Variants in ANKS3 observed in about 807,000 individuals in gnomAD.
ANKS3 encodes ankyrin repeat and sterile alpha motif domain containing 3.
Under a neutral mutation model 80.7 loss-of-function variants are expected in ANKS3, and 62 were observed. The observed-to-expected ratio is 0.77, with a 90% CI of 0.63 to 0.95. The LOEUF (loss-of-function observed/expected upper bound fraction) is 0.95. Ranked by LOEUF, ANKS3 falls within the 40% of genes least tolerant of loss-of-function variation. ANKS3 has a pLI of 0.00. For missense variants in ANKS3, 1,150 were observed against 883.6 expected, an observed-to-expected ratio of 1.30 and a Z score of -3.82; for synonymous variants, 489 against 355.3, an observed-to-expected ratio of 1.38 and a Z score of -4.23.
At chr16:4,725,081 T>C in intron 5 of ANKS3, 1 of 352,536 alleles carries the variant, frequency 2.8e-6, no homozygotes. Context: ...TCGTCCCACC[T>C]GTTGGCTATT....
intron 3 of ANKS3, 149 bp from the exon 4 acceptor site, chr16:4,727,326 C>G: frequency 2.6e-6 from 2 of 771,514 alleles, no homozygotes; most frequent in Non-Finnish European, 4.2e-6. Context: ...TGGAGGCAGG[C>G]AGGCAGAAAA....
chr16:4,699,141 C>T lies in ANKS3; in HGVS notation c.1320G>A (p.Leu440=), dbSNP rs773600265. 8 of 1,613,988 alleles carry T rather than the reference C, an allele frequency of 5.0e-6. No homozygotes were observed. Among genetic ancestry groups the T allele is most frequent in the Non-Finnish European group, 8.5e-7 (1 of 1,180,032 alleles). Residue 440 remains leucine (L), a synonymous_variant, in exon 12 of 18, where the codon CTG becomes CTA. Transcript: ENST00000304283. The part of the protein sequence containing the change: ...LAALLEQIGC[L]KYLQVFEEQD... ...GCTCCTCAAACACCTGCAGGTACTT[C>T]AGACACCCGATCTGCTCCAGCAGTG...
At position 4,729,819 on chromosome 16, in the gene ANKS3, G is replaced by T. The variant is rs555297766; in HGVS notation, c.170+161C>A. The T allele has an allele frequency of 6.8e-5, 46 of 677,396 alleles. 1 individual carries two copies. The highest frequency in any genetic ancestry group is 9.6e-4 in the Middle Eastern group (2 of 2,076). The allele number at this position is 677,396 out of a possible 1,614,324, so 42.0% of individuals were successfully genotyped here. ...GGAATAAAAACGGCCTCTTTGTCAG[G>T]GCTCAGCATCAATACTTACTGACAG... is the stretch of plus-strand genomic sequence containing the variant. On this transcript the variant is annotated intron_variant, in intron 3 of 17. Coordinates refer to ENST00000304283, the MANE Select transcript of ANKS3 (RefSeq NM_133450.4).
chr16:4,708,938 CAAA>C (rs1174728403), intron 7 of ANKS3, among the ~76,000 whole-genome samples: 1 of 127,282 alleles, frequency 7.9e-6, no homozygotes. Flanking sequence ...GACTCTGTCT[CAAA>C]AAAAAAAAAA....
chr16:4,698,141 AG>A, intron 14 of ANKS3, 79 bp from the exon 15 acceptor site: 1 of 1,454,206 alleles, frequency 6.9e-7, no homozygotes, highest in Non-Finnish European at 9.4e-7. Flanking sequence ...CTTCTAGGGG[AG>A]GGAGGGGCTC....
chr16:4,715,108 A>G (rs1194615322), intron 6 of ANKS3, among the ~76,000 whole-genome samples: 1 of 151,448 alleles, frequency 6.6e-6, no homozygotes, highest in Non-Finnish European at 1.5e-5. Context: ...TGTTATTGCC[A>G]TAGATGGTGA....
At chr16:4,700,935 C>G in intron 11 of ANKS3, 35 bp downstream of exon 11, 2 of 1,613,138 alleles carry the variant, frequency 1.2e-6, no homozygotes, top group South Asian at 1.1e-5. Flanking sequence ...AGTGCCGTCT[C>G]TGAGTGTAAC....
chr16:4,697,765 G>C (rs2079651126), intron 15 of ANKS3, among the ~76,000 whole-genome samples: 1 of 152,192 alleles, frequency 6.6e-6, no homozygotes, highest in Admixed American at 6.5e-5. Flanking sequence ...CCTACCCCTG[G>C]GGGATAGGCA....
At position 4,717,724 on chromosome 16, in the gene ANKS3, T is replaced by C. The variant is rs75165396; in HGVS notation, c.574-3538A>G. Among the ~76,000 whole-genome samples the C allele has an allele frequency of 4.7e-3, 712 of 152,246 alleles. 40 individuals are homozygous for C. The East Asian group carries it at 0.12, about 26-fold the overall frequency. On this transcript the variant is annotated intron_variant, in intron 6 of 17. Coordinates refer to ENST00000304283, the MANE Select transcript of ANKS3 (RefSeq NM_133450.4). The stretch of plus-strand genomic sequence containing the variant: ...GCCCACGCTGGATTACACTGGCTCA[T>C]TGCAACCCTGACCTCCCCAGCTCAA...
chr16:4,701,473 GGCTCTGGCCAGGCCCTCGCTGCTGCTGCT>G lies in ANKS3; in HGVS notation c.1051_1079del (p.Ser351ProfsTer20). ...CAGAAGCTTCGCTGCTGAGCCCCTG[GGCTCTGGCCAGGCCCTCGCTGCTGCTGCT>G]GCTCTGGACGGGCCCCAGGTTGGCA... On this transcript the variant is annotated frameshift_variant, in exon 10 of 18. Coordinates refer to ENST00000304283, the MANE Select transcript of ANKS3 (RefSeq NM_133450.4). LOFTEE classifies it high-confidence loss of function. The G allele has an allele frequency of 6.2e-7, 1 of 1,610,818 alleles. No homozygotes were observed. Among genetic ancestry groups the G allele is most frequent in the Non-Finnish European group, 8.5e-7 (1 of 1,178,012 alleles).
chr16:4,715,816 A>C (rs1596403163), intron 6 of ANKS3, among the ~76,000 whole-genome samples: 1 of 148,512 alleles, frequency 6.7e-6, no homozygotes, highest in East Asian at 2.0e-4. Context: ...TTTTTTTTTT[A>C]ATAGGATCTT....
chr16:4,697,872 T>G, intron 15 of ANKS3, 105 bp downstream of exon 15: 1 of 1,088,572 alleles, frequency 9.2e-7, no homozygotes, highest in Non-Finnish European at 1.3e-6. Context: ...CCTGGGAGAG[T>G]GGCTGCCGGC....
In ANKS3 at chr16:4,730,058, T is replaced by G; in HGVS notation, c.92A>C (p.Glu31Ala). The change falls in exon 3 of 18, where the codon GAG (glutamate) becomes GCG (alanine). Residue 31 changes from glutamate to alanine, a missense_variant. Coordinates refer to ENST00000304283, the MANE Select transcript of ANKS3 (RefSeq NM_133450.4). ...AAGATCCAGGGGGACATCCAGCTCC[T>G]CCCCGCTGACCTGTGTCCCGAGCCC... is the stretch of plus-strand genomic sequence containing the variant. The part of the protein sequence containing the change: ...WHGLGTQVSG[E>A]ELDVPLDLHT... The G allele has an allele frequency of 1.3e-6, 2 of 1,590,774 alleles. No homozygotes were observed. The highest frequency in any genetic ancestry group is 1.7e-6 in the Non-Finnish European group (2 of 1,166,450).
chr16:4,707,613 A>G (rs2080268283), intron 7 of ANKS3, among the ~76,000 whole-genome samples: 1 of 152,182 alleles, frequency 6.6e-6, no homozygotes, highest in Non-Finnish European at 1.5e-5. Context: ...GCCATAATTC[A>G]CAGTGAATCT....
chr16:4,716,560 A>G (rs1269906835), intron 6 of ANKS3, among the ~76,000 whole-genome samples: 1 of 152,084 alleles, frequency 6.6e-6, no homozygotes, highest in East Asian at 1.9e-4. Context: ...TTTACTTTCT[A>G]GAGTGCCCCC....
intron 13 of ANKS3, 46 bp downstream of exon 13, chr16:4,698,754 C>G (rs1478913255): frequency 6.4e-7 from 1 of 1,562,614 alleles, no homozygotes; most frequent in Non-Finnish European, 8.6e-7. Context: ...ATGGAGCCAA[C>G]TCACGGGTGT....
intron 7 of ANKS3, among the ~76,000 whole-genome samples, chr16:4,706,529 G>A (rs1567341278): frequency 2.0e-5 from 3 of 152,196 alleles, no homozygotes; most frequent in South Asian, 2.1e-4. Flanking sequence ...GAGCCACAGC[G>A]CCCAGCCACA....
rs570392684 is a variant in ANKS3 at position 4,701,546 on chromosome 16, G to A, written c.1010-3C>T. 8.1e-6 allele frequency: 13 copies of A among 1,607,118 alleles called. No individual in the cohort carries two copies. Among genetic ancestry groups the A allele is most frequent in the Admixed American group, 1.7e-5 (1 of 59,676 alleles). On this transcript the variant is annotated splice_polypyrimidine_tract_variant and splice_region_variant and intron_variant, in intron 9 of 17. Transcript: ENST00000304283. Reference sequence around the variant, plus strand: ...GTTGGCACAGAAAGCATGTTCCTCTGAGGGCGGGAAGACAGGGCGTCCGCC... The same window carrying A: ...GTTGGCACAGAAAGCATGTTCCTCTAAGGGCGGGAAGACAGGGCGTCCGCC...
intron 6 of ANKS3, among the ~76,000 whole-genome samples, chr16:4,719,681 C>T (rs912398644): frequency 2.6e-5 from 4 of 151,678 alleles, no homozygotes; most frequent in Non-Finnish European, 5.9e-5. Context: ...TGCCTGTAGT[C>T]CCAGCTACTG....
Sources: allele counts gnomAD v4.1 joint callset (sites outside exome capture counted in the v4.1 genomes callset), GRCh38; gene constraint gnomAD v4.1.1; transcripts MANE v1.5; gene names NCBI Gene and HGNC (gene_info 2026-07-23, HGNC 2026-07-21).